FGGY: variants seen among roughly 807,000 people sequenced by gnomAD.
The protein encoded by FGGY is FGGY carbohydrate kinase domain containing.
Under a neutral mutation model 71.3 loss-of-function variants are expected in FGGY, and 72 were observed. The ratio of observed to expected loss-of-function variants is 1.01; its 90% CI spans 0.84 to 1.23. The LOEUF is 1.23. FGGY is among the 50% of genes most tolerant of loss of function. The probability of loss-of-function intolerance (pLI) is 0.00; values close to 1 mark genes in which losing one functional copy is unlikely to be tolerated. For synonymous variants in FGGY, 251 were observed against 250.3 expected, an observed-to-expected ratio of 1.00 and a Z score of -0.02; for missense variants, 668 against 682.3, an observed-to-expected ratio of 0.98 and a Z score of 0.23.
At chr1:59,552,263 G>T (rs1403582600) in intron 7 of FGGY, among the ~76,000 whole-genome samples, 1 of 152,190 alleles carries the variant, frequency 6.6e-6, no homozygotes, top group African/African-American at 2.4e-5. Context: ...TGCAGGGGTA[G>T]CCCCACAATA....
At chr1:59,404,907 G>C (rs1332971284) in intron 5 of FGGY, among the ~76,000 whole-genome samples, 1 of 152,168 alleles carries the variant, frequency 6.6e-6, no homozygotes, top group Non-Finnish European at 1.5e-5. Flanking sequence ...TCACATCCAC[G>C]CTGTGCATGC....
At chr1:59,385,029 T>C (rs1364896643) in intron 5 of FGGY, among the ~76,000 whole-genome samples, 3 of 152,180 alleles carry the variant, frequency 2.0e-5, no homozygotes, top group Non-Finnish European at 4.4e-5. Context: ...AGAGGGTCTT[T>C]TTTAAAAATA....
intron 11 of FGGY, among the ~76,000 whole-genome samples, chr1:59,644,759 C>T (rs997322400): frequency 5.9e-5 from 9 of 152,134 alleles, no homozygotes; most frequent in Admixed American, 3.3e-4. Context: ...GGGTGGATCA[C>T]GAGGTCAAGA....
chr1:59,444,695 C>G (rs1380929967), intron 5 of FGGY, among the ~76,000 whole-genome samples: 1 of 152,142 alleles, frequency 6.6e-6, no homozygotes, highest in African/African-American at 2.4e-5. Flanking sequence ...AACAGGAACC[C>G]TATTGTGAAC....
At chr1:59,355,304 GA>G in intron 4 of FGGY, among the ~76,000 whole-genome samples, 1 of 152,236 alleles carries the variant, frequency 6.6e-6, no homozygotes, top group African/African-American at 2.4e-5. Context: ...TTAAAGGGAA[GA>G]AAAGTTAGAA....
chr1:59,632,648 A>G (rs894229364), intron 10 of FGGY, among the ~76,000 whole-genome samples: 3 of 152,258 alleles, frequency 2.0e-5, no homozygotes, highest in African/African-American at 7.2e-5. Flanking sequence ...GTGCTTAGTG[A>G]TAATAGTTTC....
chr1:59,483,850 T>A (rs1459335127), intron 6 of FGGY, among the ~76,000 whole-genome samples: 1 of 151,932 alleles, frequency 6.6e-6, no homozygotes, highest in African/African-American at 2.4e-5. Flanking sequence ...TCTTCTCTAC[T>A]CCCACCCCTT....
chr1:59,499,651 T>C (rs924970391), intron 6 of FGGY, among the ~76,000 whole-genome samples: 2 of 152,162 alleles, frequency 1.3e-5, no homozygotes, highest in Non-Finnish European at 2.9e-5. Flanking sequence ...TTTAAGAACA[T>C]AGTCGTATTC....
chr1:59,521,897 C>G (rs373892354), intron 7 of FGGY, among the ~76,000 whole-genome samples: 32 of 152,306 alleles, frequency 2.1e-4, no homozygotes, highest in African/African-American at 7.2e-4. Flanking sequence ...TTTAGTTTTC[C>G]TGAGCCACAC....
chr1:59,332,279 T>C (rs1327696830), intron 2 of FGGY, among the ~76,000 whole-genome samples: 3 of 152,170 alleles, frequency 2.0e-5, no homozygotes, highest in Non-Finnish European at 4.4e-5. Flanking sequence ...CTCTGGAAAT[T>C]CTTTAGAAGA....
intron 8 of FGGY, among the ~76,000 whole-genome samples, chr1:59,598,220 G>A (rs896343725): frequency 6.6e-6 from 1 of 152,250 alleles, no homozygotes; most frequent in Non-Finnish European, 1.5e-5. Flanking sequence ...GCTCACTGGA[G>A]CCAGTTAGGC....
intron 6 of FGGY, among the ~76,000 whole-genome samples, chr1:59,486,445 C>A (rs1326125051): frequency 6.6e-6 from 1 of 152,124 alleles, no homozygotes; most frequent in South Asian, 2.1e-4. Flanking sequence ...ATGGTGAGTG[C>A]TTTGGTTCAT....
At chr1:59,546,884 G>A (rs1053765252) in intron 7 of FGGY, among the ~76,000 whole-genome samples, 6 of 149,946 alleles carry the variant, frequency 4.0e-5, no homozygotes, top group African/African-American at 1.5e-4. Context: ...GTTGGGGTAA[G>A]TTCTAGACCA....
rs143707832 is a variant in FGGY, at chr1:59,502,566, T to G, written c.671-9745T>G. Among the ~76,000 whole-genome samples the G allele has an allele frequency of 1.1e-4, 17 of 152,280 alleles. No homozygotes were observed. In the East Asian group the frequency reaches 2.1e-3, roughly 19 times the overall value. ...CCCACACTCCTGGAATCTGTTGAAT[T>G]TTTGCCAACTCCCTTGTTCTCTTTG... On this transcript the variant is annotated intron_variant, in intron 6 of 15. Transcript: ENST00000303721.
rs866005930 is a variant in FGGY at position 59,374,988 on chromosome 1, C to T, written c.466-3761C>T. On this transcript the variant is annotated intron_variant, in intron 4 of 15. Transcript: ENST00000303721. ...CTAGATGACGAGTTAGTGGGTGCAG[C>T]GCACCAGCATGTCACATGTATACAC... 1.5e-4 allele frequency among the ~76,000 whole-genome samples: 22 copies of T among 150,926 alleles called. No homozygotes were observed. In the Middle Eastern group the frequency reaches 0.014, roughly 94 times the overall value.
Position 59,607,866 on chromosome 1 carries a change from G to A in FGGY, c.967G>A (p.Gly323Arg), listed in dbSNP as rs930386539. The A allele has an allele frequency of 1.9e-6, 3 of 1,613,978 alleles. No individual in the cohort carries two copies. Among genetic ancestry groups the A allele is most frequent in the Non-Finnish European group, 2.5e-6 (3 of 1,179,994 alleles). ...WGPYFSAMVP[G>R]FWLNEGGQSV... ...GCCTTATTTCTCAGCCATGGTACCT[G>A]GGTTCTGGCTGAATGAAGGTGGTCA... Residue 323 changes from glycine to arginine, a missense_variant, in exon 9 of 16, where the codon GGG becomes AGG. Around this residue, in one of 2 missense-constraint regions of FGGY, gnomAD observed 661 missense variants for 661.6 expected, o/e 1.00. Coordinates refer to ENST00000303721, the MANE Select transcript of FGGY (RefSeq NM_018291.5).
intron 5 of FGGY, among the ~76,000 whole-genome samples, chr1:59,390,638 G>T (rs2060583147): frequency 6.6e-6 from 1 of 152,170 alleles, no homozygotes; most frequent in African/African-American, 2.4e-5. Flanking sequence ...AATCGGGGCA[G>T]TGTAGGCTTT....
chr1:59,319,744 G>A (rs188802236), intron 1 of FGGY, among the ~76,000 whole-genome samples: 3 of 152,226 alleles, frequency 2.0e-5, no homozygotes, highest in Admixed American at 6.5e-5. Flanking sequence ...TGTATTAGGC[G>A]GGGCTGGATG....
chr1:59,440,589 A>G (rs1479673029), intron 5 of FGGY, among the ~76,000 whole-genome samples: 1 of 150,862 alleles, frequency 6.6e-6, no homozygotes, highest in Non-Finnish European at 1.5e-5. Context: ...TTGATTCAGT[A>G]AATATTAAAC....
Sources: allele counts gnomAD v4.1 joint callset (sites outside exome capture counted in the v4.1 genomes callset), GRCh38; gene constraint gnomAD v4.1.1; regional missense constraint gnomAD v4.1.1; transcripts MANE v1.5; gene names NCBI Gene and HGNC (gene_info 2026-07-23, HGNC 2026-07-21).